BLTP3B: variants seen among roughly 807,000 people sequenced by gnomAD.
BLTP3B encodes the protein bridge-like lipid transfer protein family member 3B, also known as UHRF1 (ICBP90) binding protein 1-like.
the BLTP3B span, among the ~76,000 whole-genome samples, chr12:100,068,648 AAAAC>A: frequency 6.6e-6 from 1 of 152,210 alleles, no homozygotes; most frequent in Admixed American, 6.5e-5. Context: ...CAACAAGAAA[AAAAC>A]AAACAATCCC....
the BLTP3B span, among the ~76,000 whole-genome samples, chr12:100,108,010 G>T: frequency 6.6e-6 from 1 of 152,140 alleles, no homozygotes; most frequent in Non-Finnish European, 1.5e-5. Context: ...CCAAAGTGCT[G>T]GGATTACAGG....
the BLTP3B span, among the ~76,000 whole-genome samples, chr12:100,064,667 A>T: frequency 6.6e-6 from 1 of 152,096 alleles, no homozygotes; most frequent in African/African-American, 2.4e-5. Context: ...ATCAGCCAAG[A>T]ATTCTTTATC....
chr12:100,040,159 G>A, the BLTP3B span, among the ~76,000 whole-genome samples: 10 of 152,062 alleles, frequency 6.6e-5, no homozygotes, highest in Admixed American at 2.0e-4. Flanking sequence ...AATCAGAAAC[G>A]AAAGACGTGA....
At chr12:100,048,566 T>C in the BLTP3B span, among the ~76,000 whole-genome samples, 2 of 152,120 alleles carry the variant, frequency 1.3e-5, no homozygotes, top group African/African-American at 4.8e-5. Context: ...CTTAAGCCAT[T>C]TCTCAAGAAG....
At chr12:100,124,970 A>ATATATATATT in the BLTP3B span, among the ~76,000 whole-genome samples, 1 of 101,044 alleles carries the variant, frequency 9.9e-6, no homozygotes, top group Non-Finnish European at 1.8e-5. Context: ...ATATATATAT[A>ATATATATATT]TATATATATT....
At chr12:100,062,645 A>G in the BLTP3B span, among the ~76,000 whole-genome samples, 4 of 152,214 alleles carry the variant, frequency 2.6e-5, no homozygotes, top group African/African-American at 7.2e-5. Flanking sequence ...TTCCTTTGGT[A>G]CATGCTAACA....
At chr12:100,088,795 G>A in the BLTP3B span, 8 of 795,020 alleles carry the variant, frequency 1.0e-5, no homozygotes, top group South Asian at 3.1e-5. Context: ...ATATTCATAT[G>A]AACACAATTA....
the BLTP3B span, among the ~76,000 whole-genome samples, chr12:100,088,073 C>T: frequency 1.9e-3 from 290 of 152,276 alleles, no homozygotes; most frequent in African/African-American, 6.8e-3. Flanking sequence ...GGCAGGGTAA[C>T]TTCTACTGCT....
chr12:100,071,535 C>A, the BLTP3B span, among the ~76,000 whole-genome samples: 1 of 143,606 alleles, frequency 7.0e-6, no homozygotes, highest in African/African-American at 2.6e-5. Flanking sequence ...TCTAGATGAA[C>A]TGAGACAATA....
At chr12:100,058,869 G>A in the BLTP3B span, 1 of 1,613,904 alleles carries the variant, frequency 6.2e-7, no homozygotes. Flanking sequence ...ATGAATATCT[G>A]CCTCTGACGA....
chr12:100,091,298 C>T, the BLTP3B span, among the ~76,000 whole-genome samples: 240 of 148,214 alleles, frequency 1.6e-3, no homozygotes, highest in Non-Finnish European at 2.3e-3. Context: ...AAGCGATTCT[C>T]CTGCCTCAGC....
chr12:100,087,172 A>AAG, the BLTP3B span, among the ~76,000 whole-genome samples: 1 of 150,718 alleles, frequency 6.6e-6, no homozygotes, highest in Non-Finnish European at 1.5e-5. Flanking sequence ...AAAAAAAAAA[A>AAG]AAAAAAAAGG....
At chr12:100,045,201 T>TC in the BLTP3B span, among the ~76,000 whole-genome samples, 1 of 152,126 alleles carries the variant, frequency 6.6e-6, no homozygotes, top group Non-Finnish European at 1.5e-5. Flanking sequence ...TTCAATGCTA[T>TC]CCCCATCAAG....
chr12:100,118,049 GT>G, the BLTP3B span, among the ~76,000 whole-genome samples: 1 of 151,854 alleles, frequency 6.6e-6, no homozygotes, highest in East Asian at 1.9e-4. Flanking sequence ...TCTTGACACA[GT>G]TGAAATTGGC....
the BLTP3B span, chr12:100,051,353 C>T: frequency 7.1e-6 from 5 of 700,944 alleles, no homozygotes; most frequent in Admixed American, 3.7e-5. Context: ...AAAAAATGGA[C>T]CAAGAAAAAT....
chr12:100,081,768 A>G, the BLTP3B span, among the ~76,000 whole-genome samples: 1 of 152,224 alleles, frequency 6.6e-6, no homozygotes, highest in African/African-American at 2.4e-5. Context: ...ATGGCTACAT[A>G]GTACTCTGCG....
the BLTP3B span, among the ~76,000 whole-genome samples, chr12:100,049,645 ATTAT>A: frequency 1.3e-5 from 2 of 152,162 alleles, no homozygotes; most frequent in African/African-American, 2.4e-5. Context: ...ACTCCAAAGA[ATTAT>A]TTAAATATTT....
At chr12:100,054,530 T>G in the BLTP3B span, among the ~76,000 whole-genome samples, 6 of 152,118 alleles carry the variant, frequency 3.9e-5, no homozygotes, top group Admixed American at 6.6e-5. Context: ...AAGAACATTG[T>G]TTTTGAAATA....
the BLTP3B span, among the ~76,000 whole-genome samples, chr12:100,113,522 A>G: frequency 6.6e-6 from 1 of 152,190 alleles, no homozygotes; most frequent in African/African-American, 2.4e-5. Context: ...TATTTAACCT[A>G]TATCTCAGAT....
Sources: gnomAD v4.1 joint callset for allele counts (sites outside exome capture counted in the v4.1 genomes callset) on GRCh38, gnomAD v4.1.1 for gene constraint, MANE v1.5 for transcripts, NCBI Gene and HGNC (gene_info 2026-07-23, HGNC 2026-07-21) for gene names.